SGCD: variants seen among roughly 807,000 people sequenced by gnomAD.
SGCD encodes the protein sarcoglycan delta.
A neutral mutation model predicts 36.6 loss-of-function variants in SGCD; 18 were observed. That is an observed-to-expected ratio of 0.49 (90% CI 0.34 to 0.73). The LOEUF is 0.73. Ranked by LOEUF, SGCD falls within the 30% of genes least tolerant of loss-of-function variation. The probability of loss-of-function intolerance (pLI) is 0.01; values close to 1 mark genes in which losing one functional copy is unlikely to be tolerated. For missense variants in SGCD, 387 were observed against 346.7 expected (o/e 1.12, Z -0.92); for synonymous variants, 133 against 130.6 (o/e 1.02, Z -0.12).
intron 3 of SGCD, among the ~76,000 whole-genome samples, chr5:156,348,640 A>T (rs1248617425): frequency 6.6e-6 from 1 of 152,220 alleles, no homozygotes; most frequent in African/African-American, 2.4e-5. Flanking sequence ...ATGCTCATGA[A>T]TTGAATGACT....
At chr5:156,281,311 T>C (rs1450128185) in intron 3 of SGCD, among the ~76,000 whole-genome samples, 1 of 152,164 alleles carries the variant, frequency 6.6e-6, no homozygotes, top group East Asian at 1.9e-4. Flanking sequence ...ACTGACTTCT[T>C]ACATCTCTTT....
chr5:156,580,928 C>G (rs1007539350), intron 4 of SGCD, among the ~76,000 whole-genome samples: 3 of 152,134 alleles, frequency 2.0e-5, no homozygotes, highest in African/African-American at 7.2e-5. Flanking sequence ...ATTCTCCATC[C>G]CACTTTTTTC....
intron 7 of SGCD, among the ~76,000 whole-genome samples, chr5:156,750,430 A>G (rs979614607): frequency 4.6e-5 from 7 of 152,192 alleles, no homozygotes; most frequent in Non-Finnish European, 1.0e-4. Context: ...TCATGCCTCT[A>G]ATCTCAGCAC....
intron 3 of SGCD, among the ~76,000 whole-genome samples, chr5:156,346,255 G>A (rs556765567): frequency 6.6e-6 from 1 of 152,082 alleles, no homozygotes; most frequent in South Asian, 2.1e-4. Context: ...TCTATCTTGA[G>A]AAAATAATTC....
At chr5:156,707,136 T>C (rs1445563092) in intron 7 of SGCD, among the ~76,000 whole-genome samples, 3 of 152,186 alleles carry the variant, frequency 2.0e-5, no homozygotes, top group African/African-American at 7.2e-5. Flanking sequence ...TCACAAACTT[T>C]GGGCTCTTGG....
intron 3 of SGCD, among the ~76,000 whole-genome samples, chr5:156,197,013 C>T (rs10057957): frequency 6.6e-6 from 1 of 152,184 alleles, no homozygotes; most frequent in Admixed American, 6.6e-5. Flanking sequence ...CTGTTAATCA[C>T]TCTCCCAGTA....
In SGCD at chr5:155,892,459, GAA is replaced by G. The variant is rs70981989; in HGVS notation, c.-282+22059_-282+22060del. 1.8e-3 allele frequency among the ~76,000 whole-genome samples: 171 copies of G among 94,278 alleles called. 2 individuals are homozygous for G. Among genetic ancestry groups the G allele is most frequent in the African/African-American group, 3.1e-3 (82 of 26,132 alleles). The allele number at this position is 94,278 out of a possible 152,430, so 61.9% of individuals were successfully genotyped here. ...ACAGAGTGAGACTCCATCTGAAAAA[GAA>G]AAAAAAAAAAAAAAAAAAAAAAAGG... On this transcript the variant is annotated intron_variant, in intron 1 of 9. Transcript: ENST00000517913.
chr5:156,020,978 T>C (rs906256623), intron 1 of SGCD, among the ~76,000 whole-genome samples: 1 of 152,200 alleles, frequency 6.6e-6, no homozygotes, highest in African/African-American at 2.4e-5. Flanking sequence ...AAACAATCAT[T>C]GTTCATATTT....
intron 1 of SGCD, among the ~76,000 whole-genome samples, chr5:155,880,067 A>T (rs909613593): frequency 2.0e-5 from 3 of 152,200 alleles, no homozygotes; most frequent in African/African-American, 7.2e-5. Flanking sequence ...GAGCGCAGCC[A>T]CTATGCAGAA....
the SGCD span, among the ~76,000 whole-genome samples, chr5:155,792,070 A>G: frequency 6.6e-6 from 1 of 152,092 alleles, no homozygotes; most frequent in Non-Finnish European, 1.5e-5. Flanking sequence ...CCATAAACCA[A>G]TGAAACAGAG....
chr5:156,452,703 A>G (rs532741175), intron 3 of SGCD, among the ~76,000 whole-genome samples: 12 of 152,302 alleles, frequency 7.9e-5, no homozygotes, highest in Non-Finnish European at 1.8e-4. Flanking sequence ...ACTTTTAATA[A>G]ATTTCTGAAT....
rs548365888 is a variant in SGCD at position 156,009,873 on chromosome 5, G to A, written c.-281-108005G>A. On this transcript the variant is annotated intron_variant, in intron 1 of 9. Coordinates refer to the SGCD transcript ENST00000517913. The stretch of plus-strand genomic sequence containing the variant: ...TGATAATCCACTACCTTTGAAATGC[G>A]CATCCTCAGGCTTCTCTAAATAGAC... 8.1e-4 allele frequency among the ~76,000 whole-genome samples: 124 copies of A among 152,202 alleles called. No homozygotes were observed. The South Asian group carries it at 9.6e-3, about 12-fold the overall frequency.
chr5:156,320,886 A>G (rs2127696281), intron 3 of SGCD, among the ~76,000 whole-genome samples: 1 of 152,326 alleles, frequency 6.6e-6, no homozygotes. Context: ...GAAAAATAGC[A>G]TTGGATTTAC....
At chr5:156,598,119 T>G (rs1397997285) in intron 6 of SGCD, among the ~76,000 whole-genome samples, 1 of 152,246 alleles carries the variant, frequency 6.6e-6, no homozygotes, top group Non-Finnish European at 1.5e-5. Flanking sequence ...TCACTACATG[T>G]AAATATGTTC....
intron 3 of SGCD, among the ~76,000 whole-genome samples, chr5:156,184,159 T>A (rs1436455576): frequency 6.6e-6 from 1 of 152,184 alleles, no homozygotes. Context: ...AAATAATTCA[T>A]TGAATACTAT....
chr5:156,139,383 G>C (rs1390046505), intron 3 of SGCD, among the ~76,000 whole-genome samples: 1 of 152,096 alleles, frequency 6.6e-6, no homozygotes, highest in Non-Finnish European at 1.5e-5. Flanking sequence ...CAATATGTCA[G>C]CTTATAGGTT....
At chr5:156,743,870 G>C (rs1325435986) in intron 7 of SGCD, among the ~76,000 whole-genome samples, 1 of 152,154 alleles carries the variant, frequency 6.6e-6, no homozygotes. Flanking sequence ...ACCCTTATTT[G>C]ACTTAAAAGT....
intron 4 of SGCD, among the ~76,000 whole-genome samples, chr5:156,541,992 G>A (rs1279340270): frequency 6.6e-6 from 1 of 152,112 alleles, no homozygotes; most frequent in Non-Finnish European, 1.5e-5. Context: ...GGCATCTGTT[G>A]AATGTTCATT....
the SGCD span, among the ~76,000 whole-genome samples, chr5:155,848,590 A>G: frequency 8.5e-5 from 13 of 152,148 alleles, no homozygotes; most frequent in African/African-American, 3.1e-4. Context: ...CCATTCTCAG[A>G]CAGATAAATT....
Sources: gnomAD v4.1 joint callset for allele counts (sites outside exome capture counted in the v4.1 genomes callset) on GRCh38, gnomAD v4.1.1 for gene constraint, MANE v1.5 for transcripts, NCBI Gene and HGNC (gene_info 2026-07-23, HGNC 2026-07-21) for gene names.